The following RFLNA variants were observed in gnomAD, a reference collection of about 807,000 sequenced individuals.
RFLNA encodes refilin-A.
Under a neutral mutation model 7.8 loss-of-function variants are expected in RFLNA, and 5 were observed. The ratio of observed to expected loss-of-function variants is 0.64; its 90% CI spans 0.34 to 1.35. The LOEUF is 1.35. Ranked by LOEUF, RFLNA falls within the 40% of genes most tolerant of loss-of-function variation. The probability of loss-of-function intolerance (pLI) is 0.04; values close to 1 mark genes in which losing one functional copy is unlikely to be tolerated. For missense variants in RFLNA, 278 were observed against 305.5 expected, an observed-to-expected ratio of 0.91 and a Z score of 0.67; for synonymous variants, 141 against 131.3, an observed-to-expected ratio of 1.07 and a Z score of -0.50.
chr12:124,295,373 A>C lies in RFLNA; in HGVS notation c.-57A>C. 5 of 1,065,282 alleles carry C rather than the reference A, an allele frequency of 4.7e-6. No homozygotes were observed. The highest frequency in any genetic ancestry group is 6.0e-6 in the Non-Finnish European group (5 of 839,792). The allele number at this position is 1,065,282 out of a possible 1,614,324, so 66.0% of individuals were successfully genotyped here. ...CGCCGCCGCCTGCCCCGGGCCCCGG[A>C]GCGCGGTGGAGAAGCCCCCGGAGGA... On this transcript the variant is annotated 5_prime_UTR_variant, in exon 1 of 3. Coordinates refer to ENST00000546355, the MANE Select transcript of RFLNA (RefSeq NM_001365156.1).
At chr12:124,305,303 T>G in intron 1 of RFLNA, among the ~76,000 whole-genome samples, 1 of 152,348 alleles carries the variant, frequency 6.6e-6, no homozygotes, top group South Asian at 2.1e-4. Context: ...ATGTGGCTGC[T>G]GGCTCTGACT....
At chr12:124,307,113 C>T (rs928095412) in intron 1 of RFLNA, among the ~76,000 whole-genome samples, 7 of 152,338 alleles carry the variant, frequency 4.6e-5, no homozygotes, top group Non-Finnish European at 1.0e-4. Flanking sequence ...CGTGCCTCCC[C>T]ATCCGCGGGG....
At chr12:124,297,876 A>C (rs570626008) in intron 1 of RFLNA, among the ~76,000 whole-genome samples, 20 of 150,606 alleles carry the variant, frequency 1.3e-4, no homozygotes, top group African/African-American at 4.9e-4. Context: ...AACTCCCGCT[A>C]AACTTTGCTG....
At chr12:124,311,274 C>T (rs566009529) in intron 1 of RFLNA, among the ~76,000 whole-genome samples, 1 of 117,716 alleles carries the variant, frequency 8.5e-6, no homozygotes, top group African/African-American at 3.5e-5. Flanking sequence ...CAGACATCTG[C>T]TATTCTGATC....
Position 124,295,420 on chromosome 12 carries a change from C to A in RFLNA, c.-10C>A. 1 of 1,226,568 alleles carries A rather than the reference C, an allele frequency of 8.2e-7. No homozygotes were observed. Among genetic ancestry groups the A allele is most frequent in the Non-Finnish European group, 1.0e-6 (1 of 983,660 alleles). 76.0% of individuals were successfully genotyped at this position (1,226,568 alleles called of 1,614,324 possible). Reference sequence around the variant, plus strand: ...AGGAGCGGGGGGCCCGCGCCCCGCGCCCCCCAGACATGGTGGGCCACCTGC... The same window carrying A: ...AGGAGCGGGGGGCCCGCGCCCCGCGACCCCCAGACATGGTGGGCCACCTGC... On this transcript the variant is annotated 5_prime_UTR_variant, in exon 1 of 3. Coordinates refer to ENST00000546355, the MANE Select transcript of RFLNA (RefSeq NM_001365156.1).
chr12:124,308,730 G>C (rs984129219), intron 1 of RFLNA, among the ~76,000 whole-genome samples: 1 of 152,256 alleles, frequency 6.6e-6, no homozygotes, highest in Admixed American at 6.5e-5. Context: ...CAGCCTGAGT[G>C]GCTCTGGGAG....
chr12:124,294,961 G>T (rs1463546579), upstream of RFLNA, among the ~76,000 whole-genome samples: 1 of 152,172 alleles, frequency 6.6e-6, no homozygotes, highest in Admixed American at 6.5e-5. Context: ...GGCTGGGCGC[G>T]CAGTGCCCAG....
At chr12:124,313,085 C>T (rs2034281917) in intron 2 of RFLNA, among the ~76,000 whole-genome samples, 1 of 152,190 alleles carries the variant, frequency 6.6e-6, no homozygotes, top group Non-Finnish European at 1.5e-5. Flanking sequence ...TTTTCAATCC[C>T]CAAACAGCCT....
intron 1 of RFLNA, among the ~76,000 whole-genome samples, chr12:124,308,994 G>A (rs2034187213): frequency 6.6e-6 from 1 of 152,256 alleles, no homozygotes; most frequent in African/African-American, 2.4e-5. Flanking sequence ...CTACTGAATC[G>A]TAATGAATTT....
intron 1 of RFLNA, among the ~76,000 whole-genome samples, chr12:124,309,589 G>C (rs971947555): frequency 6.6e-6 from 1 of 152,230 alleles, no homozygotes; most frequent in African/African-American, 2.4e-5. Context: ...TGATGAACAA[G>C]CTATCTGAAA....
At chr12:124,291,664 G>A (rs2033826310), upstream of RFLNA, among the ~76,000 whole-genome samples, 1 of 152,142 alleles carries the variant, frequency 6.6e-6, no homozygotes, top group African/African-American at 2.4e-5. Flanking sequence ...ACTTCTAGGA[G>A]CCTTCCTTCA....
intron 1 of RFLNA, among the ~76,000 whole-genome samples, chr12:124,310,660 C>T (rs558833114): frequency 1.5e-4 from 22 of 151,668 alleles, no homozygotes; most frequent in African/African-American, 4.6e-4. Context: ...TGAGGAGCAC[C>T]GGGCAGGGGC....
At chr12:124,300,127 G>A (rs953531813) in intron 1 of RFLNA, among the ~76,000 whole-genome samples, 1 of 152,214 alleles carries the variant, frequency 6.6e-6, no homozygotes, top group Admixed American at 6.5e-5. Context: ...GACTCAGCCT[G>A]TTATGGGGCA....
rs1352719738 is a variant in RFLNA at position 124,315,825 on chromosome 12, G to A, written c.*1300G>A. 1 of 152,246 alleles carries A rather than the reference G, an allele frequency of 6.6e-6. No individual in the cohort carries two copies. Among genetic ancestry groups the A allele is most frequent in the African/African-American group, 2.4e-5 (1 of 41,460 alleles). The allele number at this position is 152,246 out of a possible 1,614,324, so 9.4% of individuals were successfully genotyped here. On this transcript the variant is annotated 3_prime_UTR_variant, in exon 3 of 3. Transcript: ENST00000546355. ...CCCCTGGTAATGCATAAAAGGGGAG[G>A]GGAAGGTTCCCTGGGGCTTGAGCTC...
intron 1 of RFLNA, among the ~76,000 whole-genome samples, chr12:124,307,249 G>A (rs1010558908): frequency 2.0e-5 from 3 of 152,202 alleles, no homozygotes; most frequent in Admixed American, 6.5e-5. Flanking sequence ...TGGCCGCTGC[G>A]CACGGTGCCC....
Position 124,306,193 on chromosome 12 carries a change from T to C in RFLNA, c.208-5625T>C, listed in dbSNP as rs929526434. 1.3e-5 allele frequency among the ~76,000 whole-genome samples: 2 copies of C among 151,418 alleles called. No homozygotes were observed. The highest frequency in any genetic ancestry group is 2.4e-5 in the African/African-American group (1 of 41,148). ...AGGTGCCAGGTCCTGGGCTTAGAGG[T>C]GATAAGGACTCCAGCCTTAGGGAGC... On this transcript the variant is annotated intron_variant, in intron 1 of 2. Coordinates refer to ENST00000546355, the MANE Select transcript of RFLNA (RefSeq NM_001365156.1). This position sits in a 1 kb window ranked among gnomAD's most constrained non-coding sequence, Gnocchi z 5.2.
intron 1 of RFLNA, among the ~76,000 whole-genome samples, chr12:124,300,678 CGATGGGCAAATAGATAGAAGGATGGATG>C (rs2135678221): frequency 8.6e-6 from 1 of 116,012 alleles, no homozygotes; most frequent in African/African-American, 3.6e-5. Context: ...AAGGATGGAT[CGATGGGCAAATAGATAGAAGGATGGATG>C]GATGGGCAGA....
Position 124,311,912 on chromosome 12 carries a change from C to A in RFLNA, c.302C>A (p.Pro101His), listed in dbSNP as rs1479665877. Reference protein sequence around the residue: ...FGESIKVNPEPTHEIRCNSEV... With the variant: ...FGESIKVNPEHTHEIRCNSEV... ...GAGAGCATCAAGGTGAACCCGGAAC[C>A]CACGCATGAGATCCGGTGAGTGGGC... The change falls in exon 2 of 3, where the codon CCC becomes CAC. Residue 101 changes from proline to histidine, a missense_variant. Pro to His is a moderately conservative substitution (Grantham distance 77). Transcript: ENST00000546355. 1.3e-6 allele frequency: 2 copies of A among 1,590,042 alleles called. No homozygotes were observed. The highest frequency in any genetic ancestry group is 1.1e-5 in the South Asian group (1 of 88,032).
intron 1 of RFLNA, among the ~76,000 whole-genome samples, chr12:124,301,660 G>A (rs992398751): frequency 2.6e-5 from 4 of 152,122 alleles, no homozygotes; most frequent in Admixed American, 1.3e-4. Context: ...TACAGAGATG[G>A]GTGTCCCCTA....
Sources: allele counts gnomAD v4.1 joint callset (sites outside exome capture counted in the v4.1 genomes callset), GRCh38; gene constraint gnomAD v4.1.1; non-coding constraint Gnocchi (gnomAD v3.1); transcripts MANE v1.5; gene names NCBI Gene and HGNC (gene_info 2026-07-23, HGNC 2026-07-21).